CDH26: variants seen among roughly 807,000 people sequenced by gnomAD.
CDH26 encodes cadherin 26.
CDH26 carries 83 observed loss-of-function variants against 90.3 expected under a neutral mutation model. That is an observed-to-expected ratio of 0.92 (90% confidence interval 0.77 to 1.10). The LOEUF (loss-of-function observed/expected upper bound fraction) is 1.10, where lower values mean the gene tolerates loss of function less well. CDH26 is among the 50% of genes least tolerant of loss of function. The pLI is 0.00. For missense variants in CDH26, 1,013 were observed against 1,037.6 expected (o/e 0.98, Z 0.33); for synonymous variants, 397 against 396.3 (o/e 1.00, Z -0.02).
intron 7 of CDH26, among the ~76,000 whole-genome samples, chr20:60,029,070 A>G (rs540568403): frequency 2.0e-5 from 3 of 152,366 alleles, no homozygotes; most frequent in South Asian, 4.1e-4. Flanking sequence ...TAAGTGAAAT[A>G]AGGGGGACAC....
chr20:60,024,232 G>A (rs1293760010), intron 7 of CDH26, among the ~76,000 whole-genome samples: 3 of 152,176 alleles, frequency 2.0e-5, no homozygotes, highest in Non-Finnish European at 2.9e-5. Flanking sequence ...AACTGTGAAC[G>A]CTGTGTAGCC....
At chr20:59,991,629 C>T (rs1018657178) in intron 9 of CDH26, among the ~76,000 whole-genome samples, 1 of 152,192 alleles carries the variant, frequency 6.6e-6, no homozygotes, top group African/African-American at 2.4e-5. Context: ...GAGAGGGATC[C>T]TTGCTGACCC....
At chr20:59,981,434 AATAG>A (rs1226686881) in intron 4 of CDH26, among the ~76,000 whole-genome samples, 1 of 152,158 alleles carries the variant, frequency 6.6e-6, no homozygotes, top group African/African-American at 2.4e-5. Context: ...ATTTTCACTA[AATAG>A]ATCCTATACG....
At chr20:59,991,110 A>G (rs1025982913) in intron 9 of CDH26, among the ~76,000 whole-genome samples, 1 of 151,984 alleles carries the variant, frequency 6.6e-6, no homozygotes, top group Non-Finnish European at 1.5e-5. Flanking sequence ...ATAGAATTTG[A>G]TTGAGAGGTC....
chr20:59,999,646 C>T lies in CDH26; in HGVS notation c.2080C>T (p.Pro694Ser). ...ALLICTAAAG[P>S]TQGVKDLEEV... ...GCTCATCTGCACAGCTGCAGCAGGA[C>T]CCACGCAGGGAGTTAAGGTAACATG... is the stretch of plus-strand genomic sequence containing the variant. Residue 694 changes from proline (P) to serine (S), a missense_variant, in exon 14 of 18, where the codon CCC (proline) becomes TCC (serine). Coordinates refer to ENST00000348616, the MANE Select transcript of CDH26 (RefSeq NM_177980.4). 1 of 1,614,078 alleles carries T rather than the reference C, an allele frequency of 6.2e-7. No homozygotes were observed. Among genetic ancestry groups the T allele is most frequent in the African/African-American group, 1.3e-5 (1 of 75,060 alleles).
chr20:59,984,933 A>G (rs1270609224), intron 6 of CDH26, 68 bp from the exon 7 acceptor site: 6 of 1,582,284 alleles, frequency 3.8e-6, no homozygotes, highest in Middle Eastern at 1.7e-4. Context: ...CCTAAACAGA[A>G]TATTTCTTTA....
chr20:59,964,563 A>G (rs1199857501), intron 1 of CDH26, among the ~76,000 whole-genome samples: 3 of 152,146 alleles, frequency 2.0e-5, no homozygotes, highest in African/African-American at 7.2e-5. Context: ...AGCACTTACA[A>G]AATCATTACA....
intron 1 of CDH26, among the ~76,000 whole-genome samples, chr20:59,967,377 CTG>C (rs1324165873): frequency 6.6e-6 from 1 of 152,162 alleles, no homozygotes; most frequent in Non-Finnish European, 1.5e-5. Context: ...AATAGGAAGA[CTG>C]TATAACAAGA....
intron 12 of CDH26, chr20:59,996,351 A>C: frequency 6.9e-7 from 1 of 1,447,740 alleles, no homozygotes; most frequent in South Asian, 1.5e-5. Flanking sequence ...ACAGATATTC[A>C]GGCTCCTGGA....
At chr20:60,035,877 G>A (rs1007979082), downstream of CDH26, among the ~76,000 whole-genome samples, 3 of 151,884 alleles carry the variant, frequency 2.0e-5, no homozygotes, top group East Asian at 3.9e-4. Context: ...TAAGTTTCCC[G>A]AGGCCTCCCC....
At chr20:59,987,351 C>G (rs2061471674) in intron 7 of CDH26, 102 bp from the exon 8 acceptor site, 3 of 933,430 alleles carry the variant, frequency 3.2e-6, no homozygotes, top group Admixed American at 5.8e-5. Context: ...TTCTCCTTCT[C>G]TCTCTTGCTC....
intron 7 of CDH26, among the ~76,000 whole-genome samples, chr20:60,021,080 C>T (rs1265289568): frequency 3.3e-5 from 5 of 152,210 alleles, no homozygotes; most frequent in Admixed American, 6.5e-5. Context: ...CTTTTCAACA[C>T]TCCAGTTAAA....
At position 60,012,519 on chromosome 20, in the gene CDH26, T is replaced by G. The variant is rs202099468; in HGVS notation, c.2296-8T>G. ...CATTTACCTTCTCTTTCCCCCACTTTTCCCCAGAAACTCCATGTTGCCAAT... is the reference window on the plus strand; with the variant it reads ...CATTTACCTTCTCTTTCCCCCACTTGTCCCCAGAAACTCCATGTTGCCAAT... On this transcript the variant is annotated splice_polypyrimidine_tract_variant and splice_region_variant and intron_variant, in intron 17 of 17. Coordinates refer to ENST00000348616, the MANE Select transcript of CDH26 (RefSeq NM_177980.4). 3.1e-5 allele frequency: 50 copies of G among 1,609,602 alleles called. 1 individual carries two copies. The African/African-American group carries it at 4.1e-4, about 13-fold the overall frequency.
chr20:59,959,635 A>G (rs2145963595), intron 1 of CDH26, among the ~76,000 whole-genome samples: 1 of 152,232 alleles, frequency 6.6e-6, no homozygotes, highest in South Asian at 2.1e-4. Flanking sequence ...CCTGACCTCA[A>G]GTGATCTGCC....
chr20:59,986,256 A>G (rs1017961564), intron 7 of CDH26: 3 of 152,288 alleles, frequency 2.0e-5, no homozygotes, highest in Admixed American at 1.3e-4. Context: ...ATTTAAAAAC[A>G]TTGTATGTCA....
intron 11 of CDH26, among the ~76,000 whole-genome samples, chr20:59,995,342 A>G (rs1270268647): frequency 6.6e-6 from 1 of 152,152 alleles, no homozygotes; most frequent in Non-Finnish European, 1.5e-5. Context: ...GAGGCCGCCC[A>G]CCTGGGAGGC....
chr20:60,006,586 TG>T, intron 16 of CDH26, 126 bp from the exon 17 acceptor site: 1 of 678,666 alleles, frequency 1.5e-6, no homozygotes, highest in Non-Finnish European at 2.6e-6. Context: ...ACCCTGGGCC[TG>T]GCTCTTCACC....
At chr20:60,011,165 C>G (rs1197814098) in intron 17 of CDH26, among the ~76,000 whole-genome samples, 1 of 152,174 alleles carries the variant, frequency 6.6e-6, no homozygotes, top group African/African-American at 2.4e-5. Flanking sequence ...AGAAATACTG[C>G]CGAGCATTTG....
At chr20:60,031,376 C>A in exon 8 of CDH26, 1 of 1,258,128 alleles carries the variant, frequency 7.9e-7, no homozygotes, top group Non-Finnish European at 1.0e-6. Context: ...AAACACGGGG[C>A]TTTGGCTCGA....
Sources: allele counts gnomAD v4.1 joint callset (sites outside exome capture counted in the v4.1 genomes callset), GRCh38; gene constraint gnomAD v4.1.1; transcripts MANE v1.5; gene names NCBI Gene and HGNC (gene_info 2026-07-23, HGNC 2026-07-21).